The following PTPRD variants were observed in gnomAD, a reference collection of about 807,000 sequenced individuals.
PTPRD encodes protein tyrosine phosphatase receptor type D, also known as receptor-type tyrosine-protein phosphatase delta.
PTPRD carries 34 observed loss-of-function variants against 214.5 expected under a neutral mutation model. That is an observed-to-expected ratio of 0.16 (90% CI 0.12 to 0.21). The LOEUF is 0.21. Ranked by LOEUF, PTPRD falls within the 10% of genes least tolerant of loss-of-function variation. The pLI, the probability that PTPRD is intolerant of heterozygous loss-of-function variation, is 1.00. For missense variants in PTPRD, 2,545 were observed against 2,398.7 expected, an observed-to-expected ratio of 1.06 and a Z score of -1.27; for synonymous variants, 1,128 against 845.7, an observed-to-expected ratio of 1.33 and a Z score of -5.79.
At position 8,983,907 on chromosome 9, in the gene PTPRD, T is replaced by C. The variant is rs985303454; in HGVS notation, c.-104+34790A>G. 2.6e-5 allele frequency among the ~76,000 whole-genome samples: 4 copies of C among 152,232 alleles called. No homozygotes were observed. The East Asian group carries it at 7.7e-4, about 29-fold the overall frequency. On this transcript the variant is annotated intron_variant, in intron 11 of 45. Transcript: ENST00000381196. ...ATGTGAAAAAGAGGTTCAAAGAAAT[T>C]AATTCATATTTTTAGTAAGTTTTAT...
intron 2 of PTPRD, among the ~76,000 whole-genome samples, chr9:10,426,136 C>T (rs1346812012): frequency 6.6e-6 from 1 of 151,942 alleles, no homozygotes. Flanking sequence ...TCTTTCTATA[C>T]CTTCCCTTGC....
At chr9:8,921,210 A>G (rs1368122010) in intron 11 of PTPRD, among the ~76,000 whole-genome samples, 1 of 152,198 alleles carries the variant, frequency 6.6e-6, no homozygotes, top group East Asian at 1.9e-4. Context: ...ATAGTTGTAC[A>G]TTCAAAGTAG....
intron 7 of PTPRD, among the ~76,000 whole-genome samples, chr9:9,624,915 A>G (rs1444260590): frequency 6.6e-6 from 1 of 152,042 alleles, no homozygotes; most frequent in East Asian, 1.9e-4. Flanking sequence ...TGGGTTACTT[A>G]TTAAGTGTGC....
intron 3 of PTPRD, among the ~76,000 whole-genome samples, chr9:10,332,135 T>C (rs917228440): frequency 2.6e-5 from 4 of 151,888 alleles, no homozygotes; most frequent in Non-Finnish European, 5.9e-5. Context: ...TGTGAAAGTG[T>C]TGCTTCTTTT....
At chr9:10,129,391 T>G (rs1189000002) in intron 3 of PTPRD, among the ~76,000 whole-genome samples, 1 of 152,166 alleles carries the variant, frequency 6.6e-6, no homozygotes, top group Non-Finnish European at 1.5e-5. Context: ...CTTAATATTC[T>G]GTTTTCACTG....
intron 6 of PTPRD, among the ~76,000 whole-genome samples, chr9:9,739,191 C>T (rs532349979): frequency 9.9e-5 from 15 of 152,244 alleles, no homozygotes; most frequent in Non-Finnish European, 1.6e-4. Context: ...TTTGCATTCA[C>T]GCATTTACCA....
chr9:10,181,826 A>G (rs1178238616), intron 3 of PTPRD, among the ~76,000 whole-genome samples: 1 of 151,596 alleles, frequency 6.6e-6, no homozygotes, highest in Non-Finnish European at 1.5e-5. Flanking sequence ...AATGGATAAA[A>G]TACTAAAATG....
At chr9:9,008,234 T>TTTATTTATTTAC (rs1469735825) in intron 11 of PTPRD, among the ~76,000 whole-genome samples, 1 of 148,112 alleles carries the variant, frequency 6.8e-6, no homozygotes, top group Non-Finnish European at 1.5e-5. Flanking sequence ...TATTTATTTA[T>TTTATTTATTTAC]TTATTTATTT....
intron 4 of PTPRD, among the ~76,000 whole-genome samples, chr9:9,960,131 T>C (rs1461821338): frequency 6.6e-6 from 1 of 150,816 alleles, no homozygotes; most frequent in East Asian, 2.0e-4. Flanking sequence ...ATGCAACAAC[T>C]TGGAACAACC....
chr9:10,517,521 T>C (rs2050541052), intron 2 of PTPRD, among the ~76,000 whole-genome samples: 1 of 152,058 alleles, frequency 6.6e-6, no homozygotes, highest in Non-Finnish European at 1.5e-5. Flanking sequence ...TTTTCCTTCA[T>C]AGATTATTAC....
At chr9:9,730,009 C>T (rs1347669827) in intron 7 of PTPRD, among the ~76,000 whole-genome samples, 1 of 152,010 alleles carries the variant, frequency 6.6e-6, no homozygotes, top group East Asian at 1.9e-4. Flanking sequence ...AATTTAAATA[C>T]ATAACATAAC....
intron 3 of PTPRD, among the ~76,000 whole-genome samples, chr9:10,244,603 G>A (rs2091757920): frequency 6.6e-6 from 1 of 151,912 alleles, no homozygotes; most frequent in African/African-American, 2.4e-5. Context: ...ATGAGCCAGG[G>A]AATCATCCTA....
At chr9:10,100,727 C>G (rs2098543617) in intron 3 of PTPRD, among the ~76,000 whole-genome samples, 2 of 151,456 alleles carry the variant, frequency 1.3e-5, no homozygotes, top group Admixed American at 6.6e-5. Context: ...TATTGAGCAC[C>G]TCGTAAGTGT....
At chr9:9,661,413 A>G (rs1324775670) in intron 7 of PTPRD, among the ~76,000 whole-genome samples, 2 of 151,878 alleles carry the variant, frequency 1.3e-5, no homozygotes, top group South Asian at 4.1e-4. Flanking sequence ...TATCTTTTGA[A>G]TGTTTCAACC....
intron 11 of PTPRD, among the ~76,000 whole-genome samples, chr9:9,007,239 C>T (rs546756522): frequency 2.0e-5 from 3 of 150,914 alleles, no homozygotes; most frequent in East Asian, 2.0e-4. Flanking sequence ...AATTTAATTT[C>T]GATAGACTTC....
At chr9:8,750,694 G>A (rs571498263) in intron 11 of PTPRD, among the ~76,000 whole-genome samples, 1 of 152,274 alleles carries the variant, frequency 6.6e-6, no homozygotes. Flanking sequence ...TGGGATGCAG[G>A]AATGAGCTTG....
At chr9:10,202,671 G>GAGATATATATATATATATATATATATAT (rs376695815) in intron 3 of PTPRD, among the ~76,000 whole-genome samples, 5 of 113,114 alleles carry the variant, frequency 4.4e-5, no homozygotes, top group African/African-American at 1.8e-4. Flanking sequence ...AAATTATATG[G>GAGATATATATATATATATATATATATAT]ATATATATAT....
At chr9:9,132,093 C>T (rs540173458) in intron 10 of PTPRD, among the ~76,000 whole-genome samples, 8 of 152,188 alleles carry the variant, frequency 5.3e-5, no homozygotes, top group Admixed American at 2.6e-4. Flanking sequence ...CTGTAAGCTC[C>T]GCCTCCCGGG....
intron 10 of PTPRD, among the ~76,000 whole-genome samples, chr9:9,089,041 C>G (rs989545425): frequency 1.3e-5 from 2 of 151,962 alleles, no homozygotes; most frequent in Non-Finnish European, 2.9e-5. Context: ...ATTTTTACCC[C>G]CTAGTAAAAA....
Sources: allele counts gnomAD v4.1 joint callset (sites outside exome capture counted in the v4.1 genomes callset), GRCh38; gene constraint gnomAD v4.1.1; transcripts MANE v1.5; gene names NCBI Gene and HGNC (gene_info 2026-07-23, HGNC 2026-07-21).